The following TUB variants were observed in gnomAD, a reference collection of about 807,000 sequenced individuals.
The protein encoded by TUB is TUB bipartite transcription factor, also known as tubby protein homolog.
A neutral mutation model predicts 59.7 loss-of-function variants in TUB; 33 were observed. That is an observed-to-expected ratio of 0.55 (90% CI 0.42 to 0.74). The LOEUF is 0.74. Among genes scored for constraint, TUB ranks in the 30% least tolerant of loss-of-function variants. The probability of loss-of-function intolerance (pLI) is 0.00; values close to 1 mark genes in which losing one functional copy is unlikely to be tolerated. For missense variants in TUB, 659 were observed against 672.0 expected (o/e 0.98, Z 0.21); for synonymous variants, 293 against 256.4 (o/e 1.14, Z -1.36).
chr11:8,024,683 C>T (rs1380904102), intron 1 of TUB, among the ~76,000 whole-genome samples: 1 of 152,202 alleles, frequency 6.6e-6, no homozygotes, highest in East Asian at 1.9e-4. Flanking sequence ...ATTCTCCCCT[C>T]ATGTTTGATT....
At chr11:8,092,129 C>T (rs1943795762) in intron 3 of TUB, among the ~76,000 whole-genome samples, 1 of 152,208 alleles carries the variant, frequency 6.6e-6, no homozygotes, top group African/African-American at 2.4e-5. Context: ...GCGCCTCTGG[C>T]GTAAGTGCAG....
chr11:8,100,481 A>G (rs1210368720), intron 9 of TUB, 22 bp from the exon 10 acceptor site: 7 of 1,601,846 alleles, frequency 4.4e-6, no homozygotes, highest in Non-Finnish European at 6.0e-6. Context: ...TCAGGTGGCC[A>G]GTGTTGCGTT....
chr11:8,029,899 AGAACTTTTT>A (rs944511366), intron 1 of TUB, among the ~76,000 whole-genome samples: 5 of 152,114 alleles, frequency 3.3e-5, no homozygotes, highest in African/African-American at 9.7e-5. Flanking sequence ...GCTTTGTTTT[AGAACTTTTT>A]GAGTGCAGCT....
At chr11:8,075,220 T>C (rs1943430256) in intron 2 of TUB, among the ~76,000 whole-genome samples, 1 of 152,222 alleles carries the variant, frequency 6.6e-6, no homozygotes, top group South Asian at 2.1e-4. Flanking sequence ...ACATAAACTT[T>C]TGACTTCGTT....
In TUB at chr11:8,097,838, C is replaced by T. The variant is rs1944068204; in HGVS notation, c.998+12C>T. 4 of 1,607,296 alleles carry T rather than the reference C, an allele frequency of 2.5e-6. No homozygotes were observed. In the South Asian group the frequency reaches 3.3e-5, roughly 13 times the overall value. Reference sequence around the variant, plus strand: ...ATCGGGAAACTGCGGTACTAGCATTCCCCCAGGAAGCAGGCGGGAGTGGGA... The same window carrying T: ...ATCGGGAAACTGCGGTACTAGCATTTCCCCAGGAAGCAGGCGGGAGTGGGA... On this transcript the variant is annotated intron_variant, in intron 8 of 11. Transcript: ENST00000299506.
chr11:8,039,553 C>A, intron 1 of TUB: 6 of 1,165,692 alleles, frequency 5.1e-6, no homozygotes, highest in Non-Finnish European at 6.9e-6. Flanking sequence ...CTGAAGGAGG[C>A]CTTGAGTGAC....
rs2272383 is a variant in TUB at position 8,101,952 on chromosome 11, G to A, written c.*333G>A. On this transcript the variant is annotated 3_prime_UTR_variant, in exon 12 of 12. Coordinates refer to ENST00000299506, the MANE Select transcript of TUB (RefSeq NM_177972.3). ...ACCTCTTCAGCTGGGAAGGCCGCAA[G>A]AGGCATAGAGGGAGAGGAAGCACAC... 170,293 of 325,226 alleles carry A rather than the reference G, an allele frequency of 0.52. 49,887 individuals are homozygous for A. Among genetic ancestry groups the A allele is most frequent in the Non-Finnish European group, 0.63 (110,218 of 173,994 alleles). The allele number at this position is 325,226 out of a possible 1,614,324, so 20.1% of individuals were successfully genotyped here. A position where few individuals can be genotyped will look rare whatever the true frequency, so the allele number is the denominator to read the frequency against.
At chr11:8,019,757 C>T (rs1309141400) in intron 1 of TUB, among the ~76,000 whole-genome samples, 1 of 151,722 alleles carries the variant, frequency 6.6e-6, no homozygotes, top group African/African-American at 2.4e-5. Context: ...GCGCCTTCGG[C>T]TCTGGGATGC....
At chr11:8,033,142 C>T (rs369957626) in intron 1 of TUB, among the ~76,000 whole-genome samples, 12 of 152,322 alleles carry the variant, frequency 7.9e-5, no homozygotes, top group African/African-American at 2.9e-4. Flanking sequence ...CTCGCCTGCC[C>T]GCTTCCCTGT....
At chr11:8,020,067 A>G (rs531038365) in intron 1 of TUB, among the ~76,000 whole-genome samples, 1 of 152,356 alleles carries the variant, frequency 6.6e-6, no homozygotes, top group African/African-American at 2.4e-5. Context: ...GAACGGAGTG[A>G]GTTGGTCATA....
rs941551005 is a variant in TUB, at chr11:8,102,684, G to A, written c.*1065G>A. 6.6e-6 allele frequency: 1 copy of A among 152,200 alleles called. No homozygotes were observed. The highest frequency in any genetic ancestry group is 1.9e-4 in the East Asian group (1 of 5,184). 9.4% of individuals were successfully genotyped at this position (152,200 alleles called of 1,614,324 possible). A position where few individuals can be genotyped will look rare whatever the true frequency, so the allele number is the denominator to read the frequency against. On this transcript the variant is annotated 3_prime_UTR_variant, in exon 12 of 12. Transcript: ENST00000299506. ...TTGGTAACCATGTAGGTTCTTGGGA[G>A]GGAATGGGACAGGGTGAATAAAGCA...
chr11:8,070,767 A>G (rs751580287), intron 2 of TUB, among the ~76,000 whole-genome samples: 43 of 152,360 alleles, frequency 2.8e-4, no homozygotes, highest in Non-Finnish European at 3.2e-4. Flanking sequence ...AGGTGGAGAA[A>G]GCCTGGCTTC....
chr11:8,058,218 A>T (rs1163910557), intron 2 of TUB, among the ~76,000 whole-genome samples: 2 of 82,384 alleles, frequency 2.4e-5, no homozygotes, highest in Non-Finnish European at 5.4e-5. Context: ...TCTCTCAAAA[A>T]TTAAAAAAAA....
intron 2 of TUB, among the ~76,000 whole-genome samples, chr11:8,062,973 G>A (rs1214730546): frequency 1.3e-5 from 2 of 152,236 alleles, no homozygotes; most frequent in Non-Finnish European, 2.9e-5. Flanking sequence ...CTGAGGCACA[G>A]GAGAAAGCAT....
chr11:8,035,927 A>T (rs1942639373), upstream of TUB: 1 of 152,240 alleles, frequency 6.6e-6, no homozygotes, highest in Non-Finnish European at 1.5e-5. Flanking sequence ...CTTCCTAACC[A>T]GCCTTCCGCA....
chr11:8,100,956 A>G lies in TUB; in HGVS notation c.1346A>G (p.Gln449Arg). ...YVLNFHGRVT[Q>R]ASVKNFQIIH... is the part of the protein sequence containing the mutation. Reference sequence around the variant, plus strand: ...CTCAACTTCCATGGGCGCGTCACACAGGCCTCCGTGAAGAACTTCCAGATC... The same window carrying G: ...CTCAACTTCCATGGGCGCGTCACACGGGCCTCCGTGAAGAACTTCCAGATC... The change falls in exon 11 of 12, where the codon CAG becomes CGG. Residue 449 changes from glutamine to arginine, a missense_variant. Physicochemically the swap from Gln to Arg is conservative, Grantham distance 43 (BLOSUM62 1). Coordinates refer to ENST00000299506, the MANE Select transcript of TUB (RefSeq NM_177972.3). 6.2e-7 allele frequency: 1 copy of G among 1,614,190 alleles called. No homozygotes were observed. The highest frequency in any genetic ancestry group is 8.5e-7 in the Non-Finnish European group (1 of 1,180,036).
Position 8,100,918 on chromosome 11 carries a change from A to G in TUB, c.1308A>G (p.Thr436=). 6.2e-7 allele frequency: 1 copy of G among 1,614,166 alleles called. No homozygotes were observed. The highest frequency in any genetic ancestry group is 8.5e-7 in the Non-Finnish European group (1 of 1,180,018). ...AGACACCTGTCTGGAATGATGACAC[A>G]CAGTCCTATGTACTCAACTTCCATG... ...QNKTPVWNDD[T]QSYVLNFHGR... Residue 436 remains threonine (T), a synonymous_variant, in exon 11 of 12, where the codon ACA becomes ACG. Transcript: ENST00000299506.
chr11:8,074,748 T>C (rs1409174486), intron 2 of TUB, among the ~76,000 whole-genome samples: 2 of 142,552 alleles, frequency 1.4e-5, no homozygotes, highest in Non-Finnish European at 3.1e-5. Flanking sequence ...TCTTTTTTTT[T>C]TTTTTTTTTT....
chr11:8,028,705 C>A (rs1942532346), intron 1 of TUB, among the ~76,000 whole-genome samples: 1 of 152,146 alleles, frequency 6.6e-6, no homozygotes. Flanking sequence ...GACTTGGCAC[C>A]CTGGTCAAAA....
Sources: gnomAD v4.1 joint callset for allele counts (sites outside exome capture counted in the v4.1 genomes callset) on GRCh38, gnomAD v4.1.1 for gene constraint, MANE v1.5 for transcripts, NCBI Gene and HGNC (gene_info 2026-07-23, HGNC 2026-07-21) for gene names.